The following ZMYM3 variants were observed in gnomAD, a reference collection of about 807,000 sequenced individuals.
The protein encoded by ZMYM3 is zinc finger MYM-type protein 3.
ZMYM3 carries 6 observed loss-of-function variants against 94.2 expected under a neutral mutation model. That is an observed-to-expected ratio of 0.06 (90% CI 0.03 to 0.13). The LOEUF is 0.13. ZMYM3 is among the 10% of genes least tolerant of loss of function. The probability of loss-of-function intolerance (pLI) is 1.00; values close to 1 mark genes in which losing one functional copy is unlikely to be tolerated. For missense variants in ZMYM3, 664 were observed against 1,132.6 expected (o/e 0.59, Z 5.94); for synonymous variants, 420 against 426.5 (o/e 0.98, Z 0.19).
chrX:71,247,544 C>T (rs1395034374), intron 12 of ZMYM3, 34 bp from the exon 13 acceptor site: 1 of 1,192,263 alleles, frequency 8.4e-7, no homozygotes, highest in South Asian at 1.9e-5. Context: ...AGACCTGCCT[C>T]CCTAAAATGC....
chrX:71,246,263 A>T (rs1293221292), intron 15 of ZMYM3, 90 bp downstream of exon 15: 4 of 1,150,134 alleles, frequency 3.5e-6, no homozygotes, highest in Non-Finnish European at 4.7e-6. Context: ...TCAGCTACCT[A>T]AGAAATCCCC....
At chrX:71,243,808 G>C in intron 21 of ZMYM3, 21 bp downstream of exon 21, 4 of 1,209,134 alleles carry the variant, frequency 3.3e-6, no homozygotes, top group Non-Finnish European at 4.5e-6. Flanking sequence ...GACAGGAAGT[G>C]AGGTGGTGCA....
chrX:71,244,248 C>A, intron 20 of ZMYM3, 54 bp downstream of exon 20: 4 of 1,098,728 alleles, frequency 3.6e-6, no homozygotes, highest in South Asian at 2.0e-5. Flanking sequence ...TCTCCCCTTT[C>A]CCCTCCTCCT....
At chrX:71,251,779 G>A (rs899637437) in intron 2 of ZMYM3, 178 bp from the exon 3 acceptor site, 36 of 752,209 alleles carry the variant, frequency 4.8e-5, no homozygotes, top group Non-Finnish European at 5.6e-5. Flanking sequence ...TACTAAGGGT[G>A]GGGGGGTGCA....
chrX:71,252,808 T>C lies in ZMYM3; in HGVS notation c.448A>G (p.Ile150Val). Reference protein sequence around the residue: ...LLEPLAPDSPITLQSPHIEEE... With the variant: ...LLEPLAPDSPVTLQSPHIEEE... ...TCAATATGTGGGGACTGCAGTGTTATTGGAGAATCTGGAGCCAAAGGCTCT... is the reference window on the plus strand; with the variant it reads ...TCAATATGTGGGGACTGCAGTGTTACTGGAGAATCTGGAGCCAAAGGCTCT... Residue 150 changes from isoleucine (I) to valine (V), a missense_variant, in exon 2 of 25, where the codon ATA (isoleucine) becomes GTA (valine). Physicochemically the swap from Ile to Val is conservative, Grantham distance 29 (BLOSUM62 3). This residue lies in a region of ZMYM3 where 196 missense variants were observed against 190.8 expected (regional missense o/e 1.03). Coordinates refer to ENST00000314425, the MANE Select transcript of ZMYM3 (RefSeq NM_201599.3). 6 of 1,211,524 alleles carry C rather than the reference T, an allele frequency of 5.0e-6. No individual in the cohort carries two copies. Among genetic ancestry groups the C allele is most frequent in the East Asian group, 3.0e-5 (1 of 33,829 alleles).
rs2030476052 is a variant in ZMYM3 at position 71,251,566 on chromosome X, G to GCGGCTT, written c.697_702dup (p.Lys233_Pro234dup). 8.4e-7 allele frequency: 1 copy of GCGGCTT among 1,193,606 alleles called. No individual in the cohort carries two copies. On this transcript the variant is annotated inframe_insertion, in exon 3 of 25. Transcript: ENST00000314425. ...AATCCCCTCCCCCTCACCCGTTCAG[G>GCGGCTT]CGGCTTCTCACTCGCCTTCGCAGTC... is the stretch of plus-strand genomic sequence containing the variant.
rs1279660692 is a variant in ZMYM3 at position 71,249,897 on chromosome X, T to C, written c.1251+129A>G. 26 of 1,031,160 alleles carry C rather than the reference T, an allele frequency of 2.5e-5. 2 individuals carry two copies. Among genetic ancestry groups the C allele is most frequent in the Non-Finnish European group, 1.7e-5 (13 of 781,996 alleles). 85.0% of individuals were successfully genotyped at this position (1,031,160 alleles called of 1,213,427 possible). A position where few individuals can be genotyped will look rare whatever the true frequency, so the allele number is the denominator to read the frequency against. ...GGAGAAGCTCTGTCCTTGAATACGC[T>C]CCCTCATGATGGCCGCCTTTCCTCC... is the stretch of plus-strand genomic sequence containing the variant. On this transcript the variant is annotated intron_variant, in intron 6 of 24. Coordinates refer to ENST00000314425, the MANE Select transcript of ZMYM3 (RefSeq NM_201599.3).
intron 9 of ZMYM3, 37 bp from the exon 10 acceptor site, chrX:71,248,561 T>C (rs926153257): frequency 1.4e-5 from 17 of 1,190,255 alleles, no homozygotes; most frequent in Non-Finnish European, 1.9e-5. Context: ...AGGGGCAAGA[T>C]GTGTGCAGCG....
chrX:71,244,949 C>T (rs2030097935), intron 18 of ZMYM3, 56 bp from the exon 19 acceptor site: 9 of 986,275 alleles, frequency 9.1e-6, no homozygotes, highest in Non-Finnish European at 1.1e-5. Flanking sequence ...ACCCTGCAGC[C>T]CTCCTGCCCC....
chrX:71,250,200 C>A lies in ZMYM3; in HGVS notation c.1077G>T (p.Glu359Asp), dbSNP rs1359917269. 3 of 1,176,266 alleles carry A rather than the reference C, an allele frequency of 2.6e-6. No individual in the cohort carries two copies. The African/African-American group carries it at 5.3e-5, about 21-fold the overall frequency. Reference sequence around the variant, plus strand: ...CAACCGAGTCCTTGGTGTTCCAGATCTCCCTAGAGGTGGGAACAGGTTTGA... The same window carrying A: ...CAACCGAGTCCTTGGTGTTCCAGATATCCCTAGAGGTGGGAACAGGTTTGA... The part of the protein sequence containing the change: ...GKKTCTFCKK[E>D]IWNTKDSVVA... The change falls in exon 6 of 25, where the codon GAG (glutamate) becomes GAT (aspartate). Residue 359 changes from glutamate (E) to aspartate (D), a missense_variant. Transcript: ENST00000314425.
At chrX:71,248,902 C>T in intron 8 of ZMYM3, 101 bp from the exon 9 acceptor site, 1 of 1,112,554 alleles carries the variant, frequency 9.0e-7, no homozygotes, top group African/African-American at 1.8e-5. Context: ...ACAGAAAATC[C>T]ATGGGGAGAT....
At position 71,253,004 on chromosome X, in the gene ZMYM3, C is replaced by G; in HGVS notation, c.252G>C (p.Gly84=). The change falls in exon 2 of 25, where the codon GGG becomes GGC. Residue 84 remains glycine, a synonymous_variant. Coordinates refer to ENST00000314425, the MANE Select transcript of ZMYM3 (RefSeq NM_201599.3). ...DGATELLGLG[G]LLYKAPSPPE... is the part of the protein sequence containing the mutation. ...GGGGAGAGGGGGCTTTATAGAGCAG[C>G]CCCCCCAGCCCCAGCAACTCAGTGG... 8.3e-7 allele frequency: 1 copy of G among 1,204,317 alleles called. No homozygotes were observed. The highest frequency in any genetic ancestry group is 1.1e-6 in the Non-Finnish European group (1 of 892,094).
chrX:71,242,357 G>A lies in ZMYM3; in HGVS notation c.3615C>T (p.Pro1205=). 2 of 1,211,105 alleles carry A rather than the reference G, an allele frequency of 1.7e-6. No homozygotes were observed. The highest frequency in any genetic ancestry group is 3.0e-5 in the East Asian group (1 of 33,823). ...ACATGAGGGTGTTGAGGAGGACAAA[G>A]GGCGAGTAGACCCCCAGTTGCTTAC... is the stretch of plus-strand genomic sequence containing the variant. The part of the protein sequence containing the change: ...WECKQLGVYS[P]FVLLNTLMFF... Residue 1205 remains proline (P), a synonymous_variant, in exon 23 of 25, where the codon CCC becomes CCT. Transcript: ENST00000314425.
intron 12 of ZMYM3, 65 bp from the exon 13 acceptor site, chrX:71,247,575 C>G: frequency 8.6e-7 from 1 of 1,160,946 alleles, no homozygotes; most frequent in African/African-American, 1.8e-5. Flanking sequence ...TTCTTTCCCC[C>G]GGGATAAGCC....
rs755904500 is a variant in ZMYM3, at chrX:71,252,936, G to A, written c.320C>T (p.Ala107Val). 1.7e-6 allele frequency: 2 copies of A among 1,211,749 alleles called. No individual in the cohort carries two copies. The highest frequency in any genetic ancestry group is 2.2e-6 in the Non-Finnish European group (2 of 895,391). The change falls in exon 2 of 25, where the codon GCA becomes GTA. Residue 107 changes from alanine to valine, a missense_variant. Ala to Val is a moderately conservative substitution (Grantham distance 64). Around this residue, in one of 9 missense-constraint regions of ZMYM3, gnomAD observed 196 missense variants for 190.8 expected, o/e 1.03. Coordinates refer to ENST00000314425, the MANE Select transcript of ZMYM3 (RefSeq NM_201599.3). ...HGPEGTLAWD[A>V]GDQTLEPGPG... ...TCCAGGCTCTAGGGTCTGATCTCCT[G>A]CATCCCATGCCAGGGTTCCCTCAGG...
At chrX:71,245,568 C>T in intron 17 of ZMYM3, 83 bp from the exon 18 acceptor site, 3 of 1,157,694 alleles carry the variant, frequency 2.6e-6, no homozygotes, top group Non-Finnish European at 3.5e-6. Context: ...CCCAACTATC[C>T]TCCCATTCTA....
chrX:71,251,301 TA>T, intron 3 of ZMYM3, 57 bp from the exon 4 acceptor site: 1 of 527,853 alleles, frequency 1.9e-6, no homozygotes, highest in Non-Finnish European at 2.9e-6. Flanking sequence ...AGGCTAACAC[TA>T]GTACAGGGTT....
intron 18 of ZMYM3, among the ~76,000 whole-genome samples, chrX:71,245,127 T>TAA (rs5902685): frequency 9.4e-4 from 40 of 42,613 alleles, no homozygotes; most frequent in South Asian, 1.4e-3. Flanking sequence ...GCTTAAAAAT[T>TAA]AAAAAAAAAA....
rs756964221 is a variant in ZMYM3 at position 71,252,498 on chromosome X, C to T, written c.667+91G>A. ...TCCCTACACTTATCTCTCCACCCTC[C>T]TCCTCCCCACTACTTCCCAAAGCAC... On this transcript the variant is annotated intron_variant, in intron 2 of 24. Coordinates refer to ENST00000314425, the MANE Select transcript of ZMYM3 (RefSeq NM_201599.3). The T allele has an allele frequency of 3.3e-5, 32 of 962,447 alleles. No homozygotes were observed. In the South Asian group the frequency reaches 8.4e-4, roughly 25 times the overall value. 79.3% of individuals were successfully genotyped at this position (962,447 alleles called of 1,213,427 possible).
Sources: gnomAD v4.1 joint callset for allele counts (sites outside exome capture counted in the v4.1 genomes callset) on GRCh38, gnomAD v4.1.1 for gene constraint, gnomAD v4.1.1 regional missense constraint, MANE v1.5 for transcripts, NCBI Gene and HGNC (gene_info 2026-07-23, HGNC 2026-07-21) for gene names.